ABL2: variants seen among roughly 807,000 people sequenced by gnomAD.
ABL2 encodes tyrosine-protein kinase ABL2.
ABL2 carries 49 observed loss-of-function variants against 107.7 expected under a neutral mutation model. The observed-to-expected ratio is 0.45, with a 90% CI of 0.36 to 0.58. The LOEUF (loss-of-function observed/expected upper bound fraction) is 0.58. Among genes scored for constraint, ABL2 ranks in the 20% least tolerant of loss-of-function variants. The probability of loss-of-function intolerance (pLI) is 0.00; values close to 1 mark genes in which losing one functional copy is unlikely to be tolerated. For synonymous variants in ABL2, 549 were observed against 548.6 expected (o/e 1.00, Z -0.01); for missense variants, 1,245 against 1,457.0 (o/e 0.85, Z 2.37).
intron 1 of ABL2, among the ~76,000 whole-genome samples, chr1:179,192,673 G>A (rs1053543412): frequency 6.6e-6 from 1 of 152,152 alleles, no homozygotes; most frequent in African/African-American, 2.4e-5. Flanking sequence ...ATAAAAGAAT[G>A]AAACACATGG....
intron 1 of ABL2, among the ~76,000 whole-genome samples, chr1:179,158,100 T>C (rs1331136688): frequency 1.3e-5 from 2 of 152,190 alleles, no homozygotes; most frequent in Non-Finnish European, 2.9e-5. Flanking sequence ...AAGGAAAGAA[T>C]ACAAATCAGA....
chr1:179,223,349 G>A (rs2124867927), intron 1 of ABL2, among the ~76,000 whole-genome samples: 1 of 151,130 alleles, frequency 6.6e-6, no homozygotes, highest in Non-Finnish European at 1.5e-5. Flanking sequence ...GGAGTTTGAG[G>A]CTGCAGTGAG....
At chr1:179,140,733 T>C (rs1657493282) in intron 1 of ABL2, among the ~76,000 whole-genome samples, 1 of 152,138 alleles carries the variant, frequency 6.6e-6, no homozygotes, top group Non-Finnish European at 1.5e-5. Flanking sequence ...TAGATAAACA[T>C]TTAAACTGGA....
chr1:179,131,688 T>G (rs1317603419), intron 2 of ABL2, among the ~76,000 whole-genome samples: 2 of 152,212 alleles, frequency 1.3e-5, no homozygotes, highest in South Asian at 2.1e-4. Context: ...TAAAACAAGG[T>G]AGTCAGAGAA....
intron 1 of ABL2, among the ~76,000 whole-genome samples, chr1:179,194,719 T>C (rs1661204466): frequency 6.6e-6 from 1 of 152,172 alleles, no homozygotes; most frequent in Non-Finnish European, 1.5e-5. Flanking sequence ...TCAGAATAAA[T>C]GTTGTTTGTT....
At chr1:179,166,593 A>G (rs1281794159) in intron 1 of ABL2, among the ~76,000 whole-genome samples, 10 of 152,082 alleles carry the variant, frequency 6.6e-5, no homozygotes, top group African/African-American at 1.4e-4. Flanking sequence ...CCTGACCAAC[A>G]TGGTGAAACC....
rs569012336 is a variant in ABL2, at chr1:179,184,037, T to G, written c.157+45204A>C. 3.7e-5 allele frequency: 10 copies of G among 269,618 alleles called. No individual in the cohort carries two copies. The East Asian group carries it at 9.4e-4, about 25-fold the overall frequency. 16.7% of individuals were successfully genotyped at this position (269,618 alleles called of 1,614,324 possible). A position where few individuals can be genotyped will look rare whatever the true frequency, so the allele number is the denominator to read the frequency against. ...CTTAATGAACTAAGGGAGGAGATTC[T>G]GAAAGCAGAACAGAAAATAAACTCT... On this transcript the variant is annotated intron_variant, in intron 1 of 11. Coordinates refer to ENST00000502732, the MANE Select transcript of ABL2 (RefSeq NM_007314.4).
intron 1 of ABL2, among the ~76,000 whole-genome samples, chr1:179,148,311 T>C (rs1658143660): frequency 6.6e-6 from 1 of 152,118 alleles, no homozygotes; most frequent in African/African-American, 2.4e-5. Context: ...AAAATGTTGG[T>C]ATTACGGGTG....
intron 7 of ABL2, 68 bp downstream of exon 7, chr1:179,118,518 AC>A: frequency 6.7e-7 from 1 of 1,495,954 alleles, no homozygotes; most frequent in Non-Finnish European, 9.1e-7. Flanking sequence ...GAAGGTTCTC[AC>A]ATTCTTCCTT....
At chr1:179,178,632 G>A (rs1238127756) in intron 1 of ABL2, among the ~76,000 whole-genome samples, 3 of 152,132 alleles carry the variant, frequency 2.0e-5, no homozygotes, top group Non-Finnish European at 4.4e-5. Flanking sequence ...GCTCATGCCT[G>A]TAATTCCAGC....
At chr1:179,176,947 C>G (rs535463104) in intron 1 of ABL2, among the ~76,000 whole-genome samples, 2 of 152,008 alleles carry the variant, frequency 1.3e-5, no homozygotes, top group Admixed American at 6.6e-5. Flanking sequence ...CTGCCCACCT[C>G]GGCCTCCCAA....
chr1:179,146,644 T>C (rs1288346723), intron 1 of ABL2, among the ~76,000 whole-genome samples: 3 of 152,092 alleles, frequency 2.0e-5, no homozygotes, highest in Non-Finnish European at 2.9e-5. Flanking sequence ...AATCGGATCA[T>C]GGAGGCATTT....
At chr1:179,144,233 G>A (rs1424091559) in intron 1 of ABL2, among the ~76,000 whole-genome samples, 2 of 152,080 alleles carry the variant, frequency 1.3e-5, no homozygotes, top group Non-Finnish European at 2.9e-5. Context: ...AGAGGTGGGT[G>A]TATCACAAGG....
intron 10 of ABL2, chr1:179,110,887 C>T: frequency 6.2e-7 from 1 of 1,612,390 alleles, no homozygotes. Context: ...GTTTATTAGG[C>T]CCTGCCAACC....
chr1:179,175,427 A>C (rs1659986287), intron 1 of ABL2, among the ~76,000 whole-genome samples: 1 of 152,202 alleles, frequency 6.6e-6, no homozygotes, highest in Admixed American at 6.5e-5. Flanking sequence ...AGAACAGAAA[A>C]GCCACCACCA....
chr1:179,187,005 T>C (rs1449070014), intron 1 of ABL2, among the ~76,000 whole-genome samples: 2 of 152,230 alleles, frequency 1.3e-5, no homozygotes, highest in Non-Finnish European at 2.9e-5. Context: ...GTGCTGGGAT[T>C]ACTGTTGTGA....
intron 1 of ABL2, among the ~76,000 whole-genome samples, chr1:179,170,478 G>A (rs1297950679): frequency 1.3e-5 from 2 of 151,782 alleles, no homozygotes; most frequent in African/African-American, 2.4e-5. Flanking sequence ...GTGCAGTAGC[G>A]CAATCTAGGC....
intron 5 of ABL2, among the ~76,000 whole-genome samples, chr1:179,120,672 G>A (rs1015554292): frequency 1.3e-5 from 2 of 152,126 alleles, no homozygotes; most frequent in African/African-American, 2.4e-5. Context: ...GCCCACCTGA[G>A]CTCCCCAAAT....
chr1:179,117,604 C>T, intron 7 of ABL2, 88 bp from the exon 8 acceptor site: 1 of 1,369,144 alleles, frequency 7.3e-7, no homozygotes, highest in Non-Finnish European at 1.0e-6. Flanking sequence ...GTGTTATAGG[C>T]AGAGTTAAGT....
Sources: gnomAD v4.1 joint callset for allele counts (sites outside exome capture counted in the v4.1 genomes callset) on GRCh38, gnomAD v4.1.1 for gene constraint, MANE v1.5 for transcripts, NCBI Gene and HGNC (gene_info 2026-07-23, HGNC 2026-07-21) for gene names.